The following RAB11A variants were observed in gnomAD, a reference collection of about 807,000 sequenced individuals.
RAB11A encodes the protein ras-related protein Rab-11A.
RAB11A carries 9 observed loss-of-function variants against 28.0 expected under a neutral mutation model. The ratio of observed to expected loss-of-function variants is 0.32; its 90% CI spans 0.19 to 0.56. RAB11A has a LOEUF of 0.56. Ranked by LOEUF, RAB11A falls within the 20% of genes least tolerant of loss-of-function variation. RAB11A has a pLI of 0.91. For synonymous variants in RAB11A, 85 were observed against 88.2 expected (o/e 0.96, Z 0.20); for missense variants, 108 against 269.6 (o/e 0.40, Z 4.20).
At chr15:65,886,375 G>A (rs2078255859) in intron 4 of RAB11A, among the ~76,000 whole-genome samples, 1 of 152,200 alleles carries the variant, frequency 6.6e-6, no homozygotes, top group Non-Finnish European at 1.5e-5. Flanking sequence ...CCCCATCTCA[G>A]TCTGGATTTA....
intron 4 of RAB11A, among the ~76,000 whole-genome samples, chr15:65,887,254 A>G (rs906201232): frequency 5.3e-5 from 8 of 149,628 alleles, no homozygotes; most frequent in African/African-American, 1.7e-4. Flanking sequence ...TCTCACGACA[A>G]CCTCCGCCTC....
In RAB11A at chr15:65,891,118, C is replaced by T. The variant is rs1467375878; in HGVS notation, c.*3278C>T. 2 of 152,202 alleles carry T rather than the reference C, an allele frequency of 1.3e-5. No individual in the cohort carries two copies. The highest frequency in any genetic ancestry group is 2.9e-5 in the Non-Finnish European group (2 of 68,036). The allele number at this position is 152,202 out of a possible 1,614,324, so 9.4% of individuals were successfully genotyped here. On this transcript the variant is annotated 3_prime_UTR_variant, in exon 5 of 5. Transcript: ENST00000261890. ...GTTGGGTGGTGCTGGTGCCACGCCC[C>T]TTTCTGGGATTTGACAAGTCTTTCC... is the stretch of plus-strand genomic sequence containing the variant.
chr15:65,881,058 C>T lies in RAB11A; in HGVS notation c.511+1307C>T, dbSNP rs530845703. On this transcript the variant is annotated intron_variant, in intron 4 of 4. Transcript: ENST00000261890. ...AACAGTTGGCAAATTAGTAGCTGAA[C>T]GGCAATTAAGGCATGAGAAAATTGG... Among the ~76,000 whole-genome samples the T allele has an allele frequency of 3.3e-5, 5 of 152,146 alleles. No individual in the cohort carries two copies. The East Asian group carries it at 5.8e-4, about 18-fold the overall frequency.
chr15:65,870,436 G>T (rs2078152758), intron 1 of RAB11A, among the ~76,000 whole-genome samples: 1 of 152,214 alleles, frequency 6.6e-6, no homozygotes, highest in Admixed American at 6.5e-5. Flanking sequence ...CCGGCAGGCT[G>T]ACATTACTTC....
At chr15:65,875,963 A>G (rs1349268739) in intron 1 of RAB11A, among the ~76,000 whole-genome samples, 2 of 152,274 alleles carry the variant, frequency 1.3e-5, no homozygotes, top group Non-Finnish European at 2.9e-5. Flanking sequence ...AGTCAAAAGT[A>G]GGAACGAATG....
chr15:65,883,422 T>A (rs1018503981), intron 4 of RAB11A, among the ~76,000 whole-genome samples: 10 of 152,230 alleles, frequency 6.6e-5, no homozygotes, highest in African/African-American at 2.4e-5. Flanking sequence ...TATACACTTT[T>A]GGCAGGAACA....
At chr15:65,878,990 CTTTTTTT>C (rs35545905) in intron 3 of RAB11A, among the ~76,000 whole-genome samples, 4 of 128,578 alleles carry the variant, frequency 3.1e-5, no homozygotes, top group African/African-American at 8.8e-5. Flanking sequence ...CAATTTCTCA[CTTTTTTT>C]TTTTTTTTTT....
intron 1 of RAB11A, 151 bp downstream of exon 1, chr15:65,869,776 T>C (rs2141098144): frequency 1.2e-6 from 1 of 812,420 alleles, no homozygotes; most frequent in Non-Finnish European, 1.8e-6. Flanking sequence ...CAGCTCAGCC[T>C]CTTCTCCCCC....
At chr15:65,876,212 G>A (rs1335205086) in intron 1 of RAB11A, among the ~76,000 whole-genome samples, 1 of 152,132 alleles carries the variant, frequency 6.6e-6, no homozygotes, top group African/African-American at 2.4e-5. Flanking sequence ...ATCACAGGAA[G>A]CAAATTCATC....
rs1359912443 is a variant in RAB11A, at chr15:65,889,794, T to G, written c.*1954T>G. 6.6e-6 allele frequency: 1 copy of G among 152,202 alleles called. No individual in the cohort carries two copies. Among genetic ancestry groups the G allele is most frequent in the Non-Finnish European group, 1.5e-5 (1 of 68,034 alleles). 9.4% of individuals were successfully genotyped at this position (152,202 alleles called of 1,614,324 possible). ...AATAGTGAATTGAAAATGAATAAAG[T>G]AAACTTAGAATTTTTACCCAAGTGT... is the stretch of plus-strand genomic sequence containing the variant. On this transcript the variant is annotated 3_prime_UTR_variant, in exon 5 of 5. Transcript: ENST00000261890.
At chr15:65,881,325 G>A (rs1043187775) in intron 4 of RAB11A, among the ~76,000 whole-genome samples, 13 of 152,092 alleles carry the variant, frequency 8.5e-5, no homozygotes, top group Non-Finnish European at 1.9e-4. Flanking sequence ...ACTAGATTGA[G>A]ACCCAGGAGT....
intron 3 of RAB11A, among the ~76,000 whole-genome samples, chr15:65,879,354 G>A (rs72742818): frequency 2.6e-5 from 4 of 151,894 alleles, no homozygotes; most frequent in Non-Finnish European, 5.9e-5. Flanking sequence ...AAATATTAAA[G>A]TGTAAGTAGG....
chr15:65,872,171 C>G (rs1596781178), intron 1 of RAB11A, among the ~76,000 whole-genome samples: 1 of 151,758 alleles, frequency 6.6e-6, no homozygotes, highest in South Asian at 2.1e-4. Flanking sequence ...CCAGGCTGGT[C>G]TCGCACTCCT....
intron 4 of RAB11A, among the ~76,000 whole-genome samples, chr15:65,884,750 T>G (rs1167162458): frequency 6.8e-6 from 1 of 147,556 alleles, no homozygotes; most frequent in East Asian, 2.0e-4. Context: ...TGTGGCTGGG[T>G]GTGTCATTAA....
rs764935040 is a variant in RAB11A at position 65,887,881 on chromosome 15, T to G, written c.*41T>G. On this transcript the variant is annotated 3_prime_UTR_variant, in exon 5 of 5. Transcript: ENST00000261890. ...CCCTAGAAGGCTGTGTATAGTCCAT[T>G]TCCCAGGTCTGAGATTTAAATATAT... 3.4e-6 allele frequency: 5 copies of G among 1,468,908 alleles called. No homozygotes were observed. The South Asian group carries it at 5.7e-5, about 17-fold the overall frequency. 91.0% of individuals were successfully genotyped at this position (1,468,908 alleles called of 1,614,324 possible). A position where few individuals can be genotyped will look rare whatever the true frequency, so the allele number is the denominator to read the frequency against.
At chr15:65,876,996 A>G (rs1349696530) in intron 1 of RAB11A, among the ~76,000 whole-genome samples, 1 of 152,240 alleles carries the variant, frequency 6.6e-6, no homozygotes, top group Non-Finnish European at 1.5e-5. Context: ...TAAGATTGGC[A>G]TAGCATTGAC....
At chr15:65,879,807 T>G in intron 4 of RAB11A, 56 bp downstream of exon 4, 1 of 1,339,224 alleles carries the variant, frequency 7.5e-7, no homozygotes, top group African/African-American at 1.5e-5. Flanking sequence ...AGGAAGGTAA[T>G]TTAAACAAAC....
intron 4 of RAB11A, among the ~76,000 whole-genome samples, chr15:65,885,685 T>C (rs564582845): frequency 6.6e-6 from 1 of 152,328 alleles, no homozygotes; most frequent in East Asian, 1.9e-4. Context: ...TTTATATCAT[T>C]TAGATTTCTC....
intron 4 of RAB11A, among the ~76,000 whole-genome samples, chr15:65,887,177 CT>C (rs35164022): frequency 0.011 from 1,594 of 141,214 alleles, 22 homozygotes; most frequent in South Asian, 0.059. Flanking sequence ...TGGCTTACCT[CT>C]TTTTTTTTTT....
Sources: gnomAD v4.1 joint callset for allele counts (sites outside exome capture counted in the v4.1 genomes callset) on GRCh38, gnomAD v4.1.1 for gene constraint, MANE v1.5 for transcripts, NCBI Gene and HGNC (gene_info 2026-07-23, HGNC 2026-07-21) for gene names.